Variants in CRB1 observed in about 807,000 individuals in gnomAD.
CRB1 encodes the protein protein crumbs homolog 1.
Under a neutral mutation model 120.0 loss-of-function variants are expected in CRB1, and 83 were observed. The ratio of observed to expected loss-of-function variants is 0.69; its 90% CI spans 0.58 to 0.83. CRB1 has a LOEUF of 0.83. CRB1 is among the 40% of genes least tolerant of loss of function. The probability of loss-of-function intolerance (pLI) is 0.00; values close to 1 mark genes in which losing one functional copy is unlikely to be tolerated. For synonymous variants in CRB1, 625 were observed against 612.5 expected, an observed-to-expected ratio of 1.02 and a Z score of -0.30; for missense variants, 1,699 against 1,687.6, an observed-to-expected ratio of 1.01 and a Z score of -0.12.
intron 5 of CRB1, chr1:197,363,687 C>T: frequency 2.8e-6 from 1 of 352,656 alleles, no homozygotes; most frequent in Non-Finnish European, 5.4e-6. Context: ...TTCCCAACTC[C>T]CAACCCAAGC....
chr1:197,308,771 C>G (rs1243129204), intron 1 of CRB1, among the ~76,000 whole-genome samples: 1 of 151,040 alleles, frequency 6.6e-6, no homozygotes, highest in African/African-American at 2.4e-5. Flanking sequence ...AAAAATCATT[C>G]CCTATATATG....
rs2125471766 is a variant in CRB1, at chr1:197,421,826, C to A, written c.1998C>A (p.Val666=). 6.2e-7 allele frequency: 1 copy of A among 1,614,132 alleles called. No homozygotes were observed. Among genetic ancestry groups the A allele is most frequent in the East Asian group, 2.2e-5 (1 of 44,876 alleles). ...TCTCGTCTGGCTCATCATTAAATGT[C>A]AAGGCAGGCTGTGTGAGAAAGGATT... is the stretch of plus-strand genomic sequence containing the variant. ...ENISSGSSLN[V]KAGCVRKDWC... Residue 666 remains valine (V), a synonymous_variant, in exon 6 of 12, where the codon GTC becomes GTA. Coordinates refer to ENST00000367400, the MANE Select transcript of CRB1 (RefSeq NM_201253.3).
the CRB1 span, among the ~76,000 whole-genome samples, chr1:197,208,039 C>T: frequency 6.6e-6 from 1 of 151,972 alleles, no homozygotes; most frequent in East Asian, 1.9e-4. Context: ...TTTTGCATTT[C>T]TCTAAGTATG....
At chr1:197,234,497 T>G in the CRB1 span, among the ~76,000 whole-genome samples, 1 of 152,196 alleles carries the variant, frequency 6.6e-6, no homozygotes, top group African/African-American at 2.4e-5. Flanking sequence ...TACAACCTCT[T>G]GAAAGATTGT....
chr1:197,393,821 T>G (rs1009856090), intron 5 of CRB1, among the ~76,000 whole-genome samples: 7 of 152,046 alleles, frequency 4.6e-5, no homozygotes, highest in Non-Finnish European at 8.8e-5. Flanking sequence ...ACTGCTTAAA[T>G]CTATAAATGT....
At chr1:197,432,985 T>C (rs1312254206) in intron 8 of CRB1, among the ~76,000 whole-genome samples, 4 of 151,988 alleles carry the variant, frequency 2.6e-5, no homozygotes, top group African/African-American at 9.7e-5. Flanking sequence ...TGTGAATGAA[T>C]TGGAATTGGA....
chr1:197,245,521 G>T, the CRB1 span, among the ~76,000 whole-genome samples: 1 of 151,958 alleles, frequency 6.6e-6, no homozygotes, highest in African/African-American at 2.4e-5. Context: ...AAACAAAAAA[G>T]ACAGATATTA....
At chr1:197,436,194 C>T (rs1307259779) in intron 9 of CRB1, among the ~76,000 whole-genome samples, 5 of 152,058 alleles carry the variant, frequency 3.3e-5, no homozygotes. Context: ...TCAATTAACA[C>T]ATATTTTGTA....
chr1:197,279,663 A>G (rs1307402421), intron 1 of CRB1, among the ~76,000 whole-genome samples: 2 of 151,692 alleles, frequency 1.3e-5, no homozygotes, highest in Admixed American at 1.3e-4. Flanking sequence ...TGAAGTTCAG[A>G]ATAGCCATAG....
intron 4 of CRB1, among the ~76,000 whole-genome samples, chr1:197,354,601 T>C (rs933681393): frequency 1.4e-4 from 22 of 152,114 alleles, no homozygotes; most frequent in Non-Finnish European, 2.9e-4. Context: ...TTATTCCTCC[T>C]GGAGGGTTCG....
chr1:197,230,417 G>A, the CRB1 span, among the ~76,000 whole-genome samples: 1 of 152,006 alleles, frequency 6.6e-6, no homozygotes, highest in African/African-American at 2.4e-5. Context: ...CCTTTGATAA[G>A]TTCCACAAAA....
At chr1:197,380,536 T>C (rs963790302) in intron 5 of CRB1, among the ~76,000 whole-genome samples, 3 of 152,160 alleles carry the variant, frequency 2.0e-5, no homozygotes, top group Non-Finnish European at 4.4e-5. Flanking sequence ...GTGAAAAGAT[T>C]TGAACAGCTT....
intron 11 of CRB1, among the ~76,000 whole-genome samples, chr1:197,469,087 G>A (rs1056534316): frequency 4.6e-5 from 7 of 152,066 alleles, no homozygotes; most frequent in Admixed American, 2.0e-4. Flanking sequence ...GGGTGGAGTG[G>A]CGCACGCCTG....
chr1:197,445,005 CTG>C (rs1175734120), intron 11 of CRB1, among the ~76,000 whole-genome samples: 1 of 152,042 alleles, frequency 6.6e-6, no homozygotes, highest in Non-Finnish European at 1.5e-5. Context: ...TGAGTAAACA[CTG>C]TGGTATCCAA....
rs35921087 is a variant in CRB1 at position 197,432,357 on chromosome 1, A to AACACAC, written c.2843-2307_2843-2302dup. 9.3e-4 allele frequency among the ~76,000 whole-genome samples: 130 copies of AACACAC among 139,844 alleles called. 2 individuals carry two copies. Among genetic ancestry groups the AACACAC allele is most frequent in the African/African-American group, 3.1e-3 (117 of 37,240 alleles). The allele number at this position is 139,844 out of a possible 152,430, so 91.7% of individuals were successfully genotyped here. On this transcript the variant is annotated intron_variant, in intron 8 of 11. Transcript: ENST00000367400. ...AATTCCCAACTCCAAACCTGGTTGA[A>AACACAC]ACACACACACACACACACACACACA...
At chr1:197,362,687 C>T (rs4915526) in intron 5 of CRB1, among the ~76,000 whole-genome samples, 85,430 of 151,478 alleles carry the variant, frequency 0.56, 27,909 homozygotes, top group South Asian at 0.81. Flanking sequence ...TATAGCCATT[C>T]CTGCCTTTAA....
chr1:197,290,469 T>G (rs377469645), intron 1 of CRB1, among the ~76,000 whole-genome samples: 11 of 151,784 alleles, frequency 7.2e-5, no homozygotes, highest in African/African-American at 2.7e-4. Context: ...TTTTAGGCCT[T>G]CTTTTTCCCT....
In CRB1 at chr1:197,328,813, C is replaced by T. The variant is rs770304658; in HGVS notation, c.462C>T (p.Ser154=). ...AGATAGATCACGATGAGTGTGCTTC[C>T]AGCCCTTGCCAAAATGGGGCCGTGT... ...FCEIDHDECA[S]SPCQNGAVCQ... The change falls in exon 2 of 12, where the codon TCC becomes TCT. Residue 154 remains serine, a synonymous_variant. Transcript: ENST00000367400. The T allele has an allele frequency of 6.2e-7, 1 of 1,614,032 alleles. No homozygotes were observed. The highest frequency in any genetic ancestry group is 8.5e-7 in the Non-Finnish European group (1 of 1,179,968).
chr1:197,397,033 A>C (rs1662807028), intron 5 of CRB1, among the ~76,000 whole-genome samples: 1 of 152,138 alleles, frequency 6.6e-6, no homozygotes, highest in African/African-American at 2.4e-5. Context: ...AAATATTGCA[A>C]AACATGTTTT....
Sources: gnomAD v4.1 joint callset for allele counts (sites outside exome capture counted in the v4.1 genomes callset) on GRCh38, gnomAD v4.1.1 for gene constraint, MANE v1.5 for transcripts, NCBI Gene and HGNC (gene_info 2026-07-23, HGNC 2026-07-21) for gene names.